Variants in KAT2B observed in about 807,000 individuals in gnomAD.
The protein encoded by KAT2B is lysine acetyltransferase 2B.
KAT2B carries 36 observed loss-of-function variants against 105.9 expected under a neutral mutation model. The observed-to-expected ratio is 0.34, with a 90% CI of 0.26 to 0.45. KAT2B has a LOEUF of 0.45. Among genes scored for constraint, KAT2B ranks in the 20% least tolerant of loss-of-function variants. The pLI, the probability that KAT2B is intolerant of heterozygous loss-of-function variation, is 1.00. For missense variants in KAT2B, 820 were observed against 1,021.6 expected (o/e 0.80, Z 2.69); for synonymous variants, 397 against 377.9 (o/e 1.05, Z -0.59).
At chr3:20,142,735 A>G (rs1699714534) in intron 13 of KAT2B, among the ~76,000 whole-genome samples, 1 of 144,040 alleles carries the variant, frequency 6.9e-6, no homozygotes, top group Non-Finnish European at 1.6e-5. Context: ...CAGCCTGGTG[A>G]TGAAATCTGC....
chr3:20,103,010 C>T (rs1424950413), intron 5 of KAT2B, among the ~76,000 whole-genome samples: 2 of 152,204 alleles, frequency 1.3e-5, no homozygotes, highest in East Asian at 3.8e-4. Flanking sequence ...CTCTCTTTCT[C>T]TTCACTTTTG....
intron 2 of KAT2B, among the ~76,000 whole-genome samples, chr3:20,076,641 T>G (rs1343876995): frequency 2.0e-5 from 3 of 152,218 alleles, no homozygotes. Flanking sequence ...TTATTTACAT[T>G]TGCCAATTTT....
Position 20,101,497 on chromosome 3 carries a change from G to A in KAT2B, c.851+29G>A, listed in dbSNP as rs1187619438. On this transcript the variant is annotated intron_variant, in intron 5 of 17. Coordinates refer to ENST00000263754, the MANE Select transcript of KAT2B (RefSeq NM_003884.5). The stretch of plus-strand genomic sequence containing the variant: ...ATCAGATGCAAGTTCTTTTCCTTTG[G>A]CCCCATAAAGCCTGTTACAGACCTA... 3 of 1,599,126 alleles carry A rather than the reference G, an allele frequency of 1.9e-6. No homozygotes were observed. The African/African-American group carries it at 4.0e-5, about 21-fold the overall frequency.
intron 7 of KAT2B, among the ~76,000 whole-genome samples, chr3:20,118,726 CAAAAAAA>C (rs202106321): frequency 1.1e-5 from 1 of 90,152 alleles, no homozygotes; most frequent in African/African-American, 4.3e-5. Flanking sequence ...AACTTTGTCT[CAAAAAAA>C]AAAAAAAAAA....
chr3:20,063,701 C>T (rs1698177758), intron 1 of KAT2B, among the ~76,000 whole-genome samples: 1 of 151,494 alleles, frequency 6.6e-6, no homozygotes, highest in African/African-American at 2.4e-5. Context: ...AGCCACCATG[C>T]CCGGTTAATT....
intron 11 of KAT2B, among the ~76,000 whole-genome samples, chr3:20,136,431 A>G (rs1336566387): frequency 6.6e-6 from 1 of 152,164 alleles, no homozygotes; most frequent in African/African-American, 2.4e-5. Flanking sequence ...TTAAAATGCT[A>G]TGTATGTGAT....
chr3:20,115,062 A>G, intron 7 of KAT2B, 74 bp downstream of exon 7: 1 of 858,740 alleles, frequency 1.2e-6, no homozygotes, highest in Non-Finnish European at 2.0e-6. Flanking sequence ...GTTCACTGCA[A>G]CTTATACTTA....
intron 13 of KAT2B, among the ~76,000 whole-genome samples, chr3:20,141,576 G>A (rs1417221043): frequency 6.6e-6 from 1 of 152,070 alleles, no homozygotes; most frequent in Non-Finnish European, 1.5e-5. Flanking sequence ...AATAGCTTAG[G>A]AGGACATCTG....
Position 20,060,557 on chromosome 3 carries a change from C to T in KAT2B, c.304-11776C>T, listed in dbSNP as rs571810514. On this transcript the variant is annotated intron_variant, in intron 1 of 17. Transcript: ENST00000263754. ...CGGAGGTTGCAGTGAGCTGAGATCA[C>T]GCCATTGCACTCCAGCCTGGGCAAC... Among the ~76,000 whole-genome samples, 9 of 152,012 alleles carry T rather than the reference C, an allele frequency of 5.9e-5. No homozygotes were observed. The East Asian group carries it at 7.8e-4, about 13-fold the overall frequency.
intron 2 of KAT2B, among the ~76,000 whole-genome samples, chr3:20,085,436 C>T (rs1698595402): frequency 6.6e-6 from 1 of 151,880 alleles, no homozygotes; most frequent in East Asian, 1.9e-4. Context: ...ATTGTATAGT[C>T]AAACAGCAAA....
chr3:20,057,312 G>A (rs1346277877), intron 1 of KAT2B, among the ~76,000 whole-genome samples: 1 of 152,162 alleles, frequency 6.6e-6, no homozygotes, highest in Non-Finnish European at 1.5e-5. Flanking sequence ...TTAGAAATGA[G>A]GGCTGGAAGT....
At chr3:20,044,592 G>A (rs1313450161) in intron 1 of KAT2B, among the ~76,000 whole-genome samples, 2 of 152,038 alleles carry the variant, frequency 1.3e-5, no homozygotes, top group African/African-American at 4.8e-5. Flanking sequence ...CCTAGTCGGG[G>A]GTGAGGTGGG....
chr3:20,076,854 A>G (rs1269276709), intron 2 of KAT2B, among the ~76,000 whole-genome samples: 1 of 152,230 alleles, frequency 6.6e-6, no homozygotes, highest in Admixed American at 6.5e-5. Context: ...GTTTTCACAT[A>G]CAGTAGTCAC....
At chr3:20,048,578 A>C (rs1227669812) in intron 1 of KAT2B, among the ~76,000 whole-genome samples, 1 of 152,192 alleles carries the variant, frequency 6.6e-6, no homozygotes, top group Non-Finnish European at 1.5e-5. Context: ...TTCCTGTAAG[A>C]TGCCTGGGAG....
At chr3:20,125,839 G>A (rs909139231) in intron 9 of KAT2B, 66 bp from the exon 10 acceptor site, 2 of 1,276,198 alleles carry the variant, frequency 1.6e-6, no homozygotes, top group Non-Finnish European at 2.3e-6. Flanking sequence ...AAGCTTGGAT[G>A]TGTCCCATCC....
At chr3:20,041,650 G>A (rs988671587) in intron 1 of KAT2B, among the ~76,000 whole-genome samples, 1 of 152,166 alleles carries the variant, frequency 6.6e-6, no homozygotes, top group African/African-American at 2.4e-5. Context: ...TGTCAGCAGC[G>A]GCTTTGTTTT....
chr3:20,114,631 A>C (rs1699174807), intron 6 of KAT2B, among the ~76,000 whole-genome samples: 1 of 152,158 alleles, frequency 6.6e-6, no homozygotes, highest in Non-Finnish European at 1.5e-5. Context: ...TACTGATGTA[A>C]TTCATATGTC....
chr3:20,152,175 CTG>C (rs1412948721), intron 17 of KAT2B, among the ~76,000 whole-genome samples, 155 bp from the exon 18 acceptor site: 1 of 152,106 alleles, frequency 6.6e-6, no homozygotes, highest in East Asian at 1.9e-4. Flanking sequence ...GATTTAAGAA[CTG>C]TTTTCCTTGG....
chr3:20,069,470 C>T (rs1001691037), intron 1 of KAT2B, among the ~76,000 whole-genome samples: 4 of 151,736 alleles, frequency 2.6e-5, no homozygotes, highest in Non-Finnish European at 2.9e-5. Flanking sequence ...GAATTTATGT[C>T]CTGCTTCTGG....
Sources: allele counts gnomAD v4.1 joint callset (sites outside exome capture counted in the v4.1 genomes callset), GRCh38; gene constraint gnomAD v4.1.1; transcripts MANE v1.5; gene names NCBI Gene and HGNC (gene_info 2026-07-23, HGNC 2026-07-21).